SGCZ: variants seen among roughly 807,000 people sequenced by gnomAD.
SGCZ encodes zeta-sarcoglycan.
A neutral mutation model predicts 41.3 loss-of-function variants in SGCZ; 40 were observed. The observed-to-expected ratio is 0.97, with a 90% CI of 0.75 to 1.26. The LOEUF is 1.26. Ranked by LOEUF, SGCZ falls within the 50% of genes most tolerant of loss-of-function variation. The pLI is 0.00. For missense variants in SGCZ, 552 were observed against 369.8 expected (o/e 1.49, Z -4.04); for synonymous variants, 206 against 137.5 (o/e 1.50, Z -3.49).
At chr8:14,856,992 T>C (rs1803563379) in intron 1 of SGCZ, among the ~76,000 whole-genome samples, 1 of 152,098 alleles carries the variant, frequency 6.6e-6, no homozygotes, top group Non-Finnish European at 1.5e-5. Context: ...ACCCCCAGTG[T>C]TGGAGGAGGG....
At chr8:14,317,882 C>T (rs774835201) in intron 3 of SGCZ, among the ~76,000 whole-genome samples, 8 of 151,582 alleles carry the variant, frequency 5.3e-5, no homozygotes, top group East Asian at 1.9e-4. Flanking sequence ...AACTTCACAA[C>T]GGATTATTAA....
intron 1 of SGCZ, among the ~76,000 whole-genome samples, chr8:14,672,309 T>G (rs1173714363): frequency 6.6e-6 from 1 of 152,134 alleles, no homozygotes; most frequent in African/African-American, 2.4e-5. Context: ...ATGCCCAATG[T>G]CTCATATTCC....
chr8:15,171,719 G>C (rs1799835501), intron 1 of SGCZ, among the ~76,000 whole-genome samples: 1 of 152,112 alleles, frequency 6.6e-6, no homozygotes, highest in Non-Finnish European at 1.5e-5. Flanking sequence ...GAATAAAGTG[G>C]ATATCAAGCC....
At chr8:14,662,929 G>A in intron 1 of SGCZ, among the ~76,000 whole-genome samples, 1 of 152,074 alleles carries the variant, frequency 6.6e-6, no homozygotes, top group Non-Finnish European at 1.5e-5. Context: ...ATAGAAATGG[G>A]TTTCAGCTGA....
At chr8:14,219,519 C>T (rs569910561) in intron 4 of SGCZ, among the ~76,000 whole-genome samples, 242 of 152,238 alleles carry the variant, frequency 1.6e-3, no homozygotes, top group African/African-American at 5.2e-3. Context: ...GAAGCGGAAG[C>T]GGGCAGATCA....
chr8:14,541,492 C>T (rs1314820847), intron 2 of SGCZ, among the ~76,000 whole-genome samples: 2 of 152,068 alleles, frequency 1.3e-5, no homozygotes, highest in Non-Finnish European at 2.9e-5. Context: ...TTTATGGCTG[C>T]ATAGTATTCC....
At chr8:14,856,714 G>T (rs1270169243) in intron 1 of SGCZ, among the ~76,000 whole-genome samples, 1 of 152,192 alleles carries the variant, frequency 6.6e-6, no homozygotes, top group African/African-American at 2.4e-5. Flanking sequence ...GGCTTAGGCA[G>T]CAGTATGTTT....
At chr8:14,787,935 T>C (rs780685173) in intron 1 of SGCZ, among the ~76,000 whole-genome samples, 1 of 152,178 alleles carries the variant, frequency 6.6e-6, no homozygotes, top group Non-Finnish European at 1.5e-5. Flanking sequence ...TGAGGCCTGT[T>C]CAGGCAATCC....
chr8:14,788,817 A>G (rs13276431), intron 1 of SGCZ, among the ~76,000 whole-genome samples: 53,925 of 151,944 alleles, frequency 0.35, 11,722 homozygotes, highest in East Asian at 0.51. Context: ...ATCAATATAA[A>G]GACTTGTTTT....
intron 3 of SGCZ, among the ~76,000 whole-genome samples, chr8:14,270,548 T>G (rs576889741): frequency 6.6e-6 from 1 of 152,098 alleles, no homozygotes; most frequent in African/African-American, 2.4e-5. Flanking sequence ...TTTCCAATTA[T>G]CCCTTTACTT....
At chr8:15,150,232 AAT>A (rs1446884888) in intron 1 of SGCZ, among the ~76,000 whole-genome samples, 2 of 111,046 alleles carry the variant, frequency 1.8e-5, no homozygotes, top group African/African-American at 5.0e-5. Flanking sequence ...TAAACATACC[AAT>A]ATGTTTGATA....
intron 2 of SGCZ, among the ~76,000 whole-genome samples, chr8:14,336,797 C>A (rs1014115961): frequency 1.3e-5 from 2 of 152,152 alleles, no homozygotes; most frequent in South Asian, 4.1e-4. Flanking sequence ...GTAATCATCT[C>A]TCAACTGGAA....
At chr8:15,037,137 C>G (rs1399280960) in intron 1 of SGCZ, among the ~76,000 whole-genome samples, 4 of 151,968 alleles carry the variant, frequency 2.6e-5, no homozygotes, top group African/African-American at 9.7e-5. Context: ...TGGCTGTGTC[C>G]CCACACAAAT....
At chr8:15,210,074 A>G (rs1002447143) in intron 1 of SGCZ, among the ~76,000 whole-genome samples, 1 of 152,154 alleles carries the variant, frequency 6.6e-6, no homozygotes, top group Non-Finnish European at 1.5e-5. Flanking sequence ...AATGCTTCTT[A>G]CCCATTATTT....
chr8:14,352,359 G>C (rs1436742231), intron 2 of SGCZ, among the ~76,000 whole-genome samples: 3 of 151,974 alleles, frequency 2.0e-5, no homozygotes, highest in African/African-American at 7.2e-5. Flanking sequence ...TTTTGTCTTG[G>C]GAGGAAAGGG....
chr8:14,601,927 G>A (rs11997274), intron 1 of SGCZ, among the ~76,000 whole-genome samples: 1 of 151,838 alleles, frequency 6.6e-6, no homozygotes, highest in Non-Finnish European at 1.5e-5. Flanking sequence ...GAGACCATCC[G>A]GGCTAACACG....
chr8:14,488,732 G>T (rs190334883), intron 2 of SGCZ, among the ~76,000 whole-genome samples: 2 of 136,420 alleles, frequency 1.5e-5, no homozygotes, highest in Non-Finnish European at 1.6e-5. Context: ...GACTTCCCTC[G>T]CTAATGCAAA....
At chr8:14,364,890 C>A (rs531396307) in intron 2 of SGCZ, among the ~76,000 whole-genome samples, 12 of 151,964 alleles carry the variant, frequency 7.9e-5, no homozygotes, top group Non-Finnish European at 1.6e-4. Context: ...ATATATAGTT[C>A]TTCTGAAACT....
intron 1 of SGCZ, among the ~76,000 whole-genome samples, chr8:15,007,090 G>C (rs1235911686): frequency 6.6e-6 from 1 of 152,138 alleles, no homozygotes; most frequent in African/African-American, 2.4e-5. Flanking sequence ...GAAGGACTGA[G>C]TGAAAACATT....
Sources: allele counts gnomAD v4.1 joint callset (sites outside exome capture counted in the v4.1 genomes callset), GRCh38; gene constraint gnomAD v4.1.1; transcripts MANE v1.5; gene names NCBI Gene and HGNC (gene_info 2026-07-23, HGNC 2026-07-21).